The following RBM20 variants were observed in gnomAD, a reference collection of about 807,000 sequenced individuals.
The protein encoded by RBM20 is RNA binding motif protein 20.
Under a neutral mutation model 110.1 loss-of-function variants are expected in RBM20, and 51 were observed. The observed-to-expected ratio is 0.46, with a 90% CI of 0.37 to 0.59. The LOEUF (loss-of-function observed/expected upper bound fraction) is 0.59. Among genes scored for constraint, RBM20 ranks in the 20% least tolerant of loss-of-function variants. The pLI, the probability that RBM20 is intolerant of heterozygous loss-of-function variation, is 0.00. For missense variants in RBM20, 1,512 were observed against 1,574.9 expected, an observed-to-expected ratio of 0.96 and a Z score of 0.68; for synonymous variants, 589 against 618.2, an observed-to-expected ratio of 0.95 and a Z score of 0.70.
Position 110,781,395 on chromosome 10 carries a change from C to G in RBM20, c.786C>G (p.Thr262=). ...CGGCCTCAACCTCGGGCAGTGTGACCTATGAAGGGCACTACAGCCACACAG... is the reference window on the plus strand; with the variant it reads ...CGGCCTCAACCTCGGGCAGTGTGACGTATGAAGGGCACTACAGCCACACAG... ...PSSASTSGSV[T]YEGHYSHTGQ... is the part of the protein sequence containing the mutation. The change falls in exon 2 of 14, where the codon ACC becomes ACG. Residue 262 remains threonine, a synonymous_variant. Coordinates refer to ENST00000369519, the MANE Select transcript of RBM20 (RefSeq NM_001134363.3). 6.4e-7 allele frequency: 1 copy of G among 1,551,688 alleles called. No homozygotes were observed. Among genetic ancestry groups the G allele is most frequent in the South Asian group, 1.2e-5 (1 of 84,068 alleles).
chr10:110,760,423 A>ATTTTTTTT (rs1400720868), intron 1 of RBM20, among the ~76,000 whole-genome samples: 1 of 83,324 alleles, frequency 1.2e-5, no homozygotes, highest in Non-Finnish European at 2.6e-5. Context: ...GAATTCCATC[A>ATTTTTTTT]TCTTTTTTTT....
At chr10:110,820,320 A>G (rs1844891927) in intron 10 of RBM20, 144 bp downstream of exon 10, 3 of 577,308 alleles carry the variant, frequency 5.2e-6, no homozygotes, top group Admixed American at 6.0e-5. Context: ...TCCTAGCGCT[A>G]CTTTGGAGGA....
rs766233271 is a variant in RBM20, at chr10:110,644,612, C to A, written c.158C>A (p.Pro53Gln). 6.6e-7 allele frequency: 1 copy of A among 1,519,162 alleles called. No individual in the cohort carries two copies. The highest frequency in any genetic ancestry group is 1.2e-5 in the South Asian group (1 of 81,556). 94.1% of individuals were successfully genotyped at this position (1,519,162 alleles called of 1,614,324 possible). Reference sequence around the variant, plus strand: ...CCGCCGCCGCCCCAGCCACCGCCCCCGCCCCAAGCCGGCCTACCCCAGATC... The same window carrying A: ...CCGCCGCCGCCCCAGCCACCGCCCCAGCCCCAAGCCGGCCTACCCCAGATC... ...QPPPPPQPPP[P>Q]PQAGLPQIIQ... is the part of the protein sequence containing the mutation. Residue 53 changes from proline (P) to glutamine (Q), a missense_variant, in exon 1 of 14, where the codon CCG (proline) becomes CAG (glutamine). By Grantham distance (76) the Pro-to-Gln change is moderately conservative. Transcript: ENST00000369519. The surrounding 1 kb of genome is among the most constrained non-coding windows in gnomAD (Gnocchi z 4.3).
chr10:110,644,375 C>A lies in RBM20; in HGVS notation c.-80C>A. ...GACAAGGGGACTGGGCACGGGGACC[C>A]CGGCCAGTGAGCGCCCGTGGCCCGG... On this transcript the variant is annotated 5_prime_UTR_variant, in exon 1 of 14. Transcript: ENST00000369519. The surrounding 1 kb of genome is among the most constrained non-coding windows in gnomAD (Gnocchi z 4.3). 1 of 1,211,998 alleles carries A rather than the reference C, an allele frequency of 8.3e-7. No individual in the cohort carries two copies. The highest frequency in any genetic ancestry group is 1.1e-6 in the Non-Finnish European group (1 of 930,540). The allele number at this position is 1,211,998 out of a possible 1,614,324, so 75.1% of individuals were successfully genotyped here.
At chr10:110,660,449 G>A (rs998287018) in intron 1 of RBM20, among the ~76,000 whole-genome samples, 3 of 152,138 alleles carry the variant, frequency 2.0e-5, no homozygotes, top group Non-Finnish European at 1.5e-5. Flanking sequence ...ACCAGGCTGT[G>A]GCCTGTTAGG....
intron 7 of RBM20, among the ~76,000 whole-genome samples, chr10:110,805,326 C>T (rs140249907): frequency 5.3e-5 from 8 of 152,172 alleles, no homozygotes; most frequent in East Asian, 3.9e-4. Context: ...AGGCAGGAGT[C>T]GGGTGAGTGA....
chr10:110,774,232 A>T (rs1016871474), intron 1 of RBM20, among the ~76,000 whole-genome samples: 3 of 152,208 alleles, frequency 2.0e-5, no homozygotes, highest in African/African-American at 7.2e-5. Flanking sequence ...ACTCATTAAC[A>T]CACCAACTGA....
At chr10:110,649,851 A>C (rs1056961618) in intron 1 of RBM20, among the ~76,000 whole-genome samples, 4 of 152,200 alleles carry the variant, frequency 2.6e-5, no homozygotes, top group Non-Finnish European at 5.9e-5. Flanking sequence ...ACCTGGCTGG[A>C]TCTTGAGAAT....
intron 7 of RBM20, among the ~76,000 whole-genome samples, chr10:110,806,250 AGT>A (rs1233345898): frequency 6.7e-6 from 1 of 148,356 alleles, no homozygotes; most frequent in East Asian, 2.0e-4. Flanking sequence ...CCTGGGACAC[AGT>A]GTGAGACTCC....
At chr10:110,668,900 A>AG (rs200196174) in intron 1 of RBM20, among the ~76,000 whole-genome samples, 3,267 of 151,598 alleles carry the variant, frequency 0.022, 116 homozygotes, top group African/African-American at 0.075. Flanking sequence ...AAAAAAAAAA[A>AG]CCAAAAAACC....
In RBM20 at chr10:110,784,770, CTT is replaced by C. The variant is rs749067157; in HGVS notation, c.1430-20_1430-19del. 9.6e-5 allele frequency: 142 copies of C among 1,473,734 alleles called. No individual in the cohort carries two copies. The highest frequency in any genetic ancestry group is 1.3e-4 in the Non-Finnish European group (136 of 1,076,024). 91.3% of individuals were successfully genotyped at this position (1,473,734 alleles called of 1,614,324 possible). A position where few individuals can be genotyped will look rare whatever the true frequency, so the allele number is the denominator to read the frequency against. On this transcript the variant is annotated intron_variant, in intron 4 of 13. Transcript: ENST00000369519. Reference sequence around the variant, plus strand: ...ATGTTACATTCTGGGTTTTCACTGACTTTGTGTAATTCATCATTTAGATTATG... The same window carrying C: ...ATGTTACATTCTGGGTTTTCACTGACTGTGTAATTCATCATTTAGATTATG...
intron 1 of RBM20, among the ~76,000 whole-genome samples, chr10:110,697,951 G>A (rs1228609967): frequency 5.5e-5 from 8 of 146,588 alleles, no homozygotes; most frequent in South Asian, 4.3e-4. Flanking sequence ...TCTGTCGCCC[G>A]GGCTGGAGTG....
At chr10:110,819,388 T>TATAC (rs1844879965) in intron 9 of RBM20, among the ~76,000 whole-genome samples, 1 of 152,252 alleles carries the variant, frequency 6.6e-6, no homozygotes, top group Non-Finnish European at 1.5e-5. Context: ...AAACAGGCTG[T>TATAC]AGGTCAGATT....
intron 13 of RBM20, chr10:110,835,242 G>C (rs747908281): frequency 1.3e-5 from 2 of 152,046 alleles, no homozygotes; most frequent in Non-Finnish European, 2.9e-5. Context: ...CAAGCAGTTA[G>C]AACAGCACTT....
At chr10:110,777,169 T>C (rs1412087263) in intron 1 of RBM20, among the ~76,000 whole-genome samples, 1 of 152,218 alleles carries the variant, frequency 6.6e-6, no homozygotes, top group African/African-American at 2.4e-5. Context: ...CACTCCTTTC[T>C]CTTGTGGAAC....
Position 110,752,937 on chromosome 10 carries a change from ATATATATAT to A in RBM20, c.192-27862_192-27854del, listed in dbSNP as rs1241839785. Among the ~76,000 whole-genome samples, 62 of 80,446 alleles carry A rather than the reference ATATATATAT, an allele frequency of 7.7e-4. No homozygotes were observed. In the East Asian group the frequency reaches 0.014, roughly 18 times the overall value. The allele number at this position is 80,446 out of a possible 152,430, so 52.8% of individuals were successfully genotyped here. On this transcript the variant is annotated intron_variant, in intron 1 of 13. Transcript: ENST00000369519. ...TATTTATACATATATATATATATAT[ATATATATAT>A]TTTTTTTTTTTTTATGAAGTCTCCC...
intron 1 of RBM20, among the ~76,000 whole-genome samples, chr10:110,660,139 A>G (rs1020637253): frequency 6.6e-6 from 1 of 152,258 alleles, no homozygotes; most frequent in South Asian, 2.1e-4. Flanking sequence ...CTAAAATAAC[A>G]CAAATCAAGA....
intron 1 of RBM20, among the ~76,000 whole-genome samples, chr10:110,699,699 C>T (rs925256693): frequency 1.8e-4 from 27 of 152,196 alleles, no homozygotes; most frequent in African/African-American, 6.3e-4. Context: ...GGATATGTTC[C>T]AAGACCCTCA....
chr10:110,792,584 C>T (rs995076024), intron 5 of RBM20, among the ~76,000 whole-genome samples: 1 of 152,218 alleles, frequency 6.6e-6, no homozygotes, highest in Admixed American at 6.5e-5. Context: ...CAGACACAGA[C>T]TCAGGTCTGT....
Sources: allele counts gnomAD v4.1 joint callset (sites outside exome capture counted in the v4.1 genomes callset), GRCh38; gene constraint gnomAD v4.1.1; non-coding constraint Gnocchi (gnomAD v3.1); transcripts MANE v1.5; gene names NCBI Gene and HGNC (gene_info 2026-07-23, HGNC 2026-07-21).